Variants in GGT5 observed in about 807,000 individuals in gnomAD.
The protein encoded by GGT5 is glutathione hydrolase 5 proenzyme.
Under a neutral mutation model 58.1 loss-of-function variants are expected in GGT5, and 50 were observed. That is an observed-to-expected ratio of 0.86 (90% CI 0.69 to 1.09). GGT5 has a LOEUF of 1.09. Among genes scored for constraint, GGT5 ranks in the 50% least tolerant of loss-of-function variants. GGT5 has a pLI of 0.00. For missense variants in GGT5, 800 were observed against 789.4 expected, an observed-to-expected ratio of 1.01 and a Z score of -0.16; for synonymous variants, 370 against 346.1, an observed-to-expected ratio of 1.07 and a Z score of -0.77.
chr22:24,224,746 C>G (rs1223741692), intron 11 of GGT5, among the ~76,000 whole-genome samples: 1 of 152,212 alleles, frequency 6.6e-6, no homozygotes, highest in Non-Finnish European at 1.5e-5. Flanking sequence ...GACCAGAGAC[C>G]AAGGTGCTGA....
At position 24,231,436 on chromosome 22, in the gene GGT5, T is replaced by A. The variant is rs1052278841; in HGVS notation, c.849A>T (p.Pro283=). Residue 283 remains proline, a synonymous_variant, in exon 6 of 12, where the codon CCA becomes CCT. Coordinates refer to ENST00000327365, the MANE Select transcript of GGT5 (RefSeq NM_004121.5). ...GAATGGCACCCCCTGCAGGCGGCGG[T>A]GGTGAGTACAGGGTATAGTCCCCCA... ...VPLGDYTLYS[P]PPPAGGAILS... is the part of the protein sequence containing the mutation. 17 of 1,560,342 alleles carry A rather than the reference T, an allele frequency of 1.1e-5. No homozygotes were observed. Among genetic ancestry groups the A allele is most frequent in the Middle Eastern group, 1.7e-4 (1 of 5,924 alleles).
intron 11 of GGT5, among the ~76,000 whole-genome samples, chr22:24,221,703 GT>G (rs1309310910): frequency 6.6e-6 from 1 of 152,002 alleles, no homozygotes; most frequent in Non-Finnish European, 1.5e-5. Context: ...GTAGAGACAG[GT>G]TTTCGCCATG....
At position 24,244,628 on chromosome 22, in the gene GGT5, T is replaced by G; in HGVS notation, c.98A>C (p.Gln33Pro). Residue 33 changes from glutamine to proline, a missense_variant, in exon 1 of 12, where the codon CAG (glutamine) becomes CCG (proline). By Grantham distance (76) the Gln-to-Pro change is moderately conservative (BLOSUM62 -1). Transcript: ENST00000327365. ...IVLAVVLSRH[Q>P]APCGPQAFAH... ...AAAGGCCTGGGGGCCACATGGGGCC[T>G]GGTGTCGAGAGAGGACCACAGCCAG... The G allele has an allele frequency of 6.2e-7, 1 of 1,612,842 alleles. No individual in the cohort carries two copies. The highest frequency in any genetic ancestry group is 8.5e-7 in the Non-Finnish European group (1 of 1,179,906).
rs1489571334 is a variant in GGT5 at position 24,226,691 on chromosome 22, G to C, written c.978C>G (p.Leu326=). ...VNVYHHLVET[L]KFAKGQRWRL... is the part of the protein sequence containing the mutation. ...TCCACCTCTGCCCCTTGGCAAACTTGAGCGTCTCTACAAGGTGGTGGTACA... is the reference window on the plus strand; with the variant it reads ...TCCACCTCTGCCCCTTGGCAAACTTCAGCGTCTCTACAAGGTGGTGGTACA... Residue 326 remains leucine (L), a synonymous_variant, in exon 7 of 12, where the codon CTC becomes CTG. Coordinates refer to ENST00000327365, the MANE Select transcript of GGT5 (RefSeq NM_004121.5). 1.2e-6 allele frequency: 2 copies of C among 1,613,944 alleles called. No homozygotes were observed. The highest frequency in any genetic ancestry group is 2.2e-5 in the South Asian group (2 of 91,070).
intron 11 of GGT5, among the ~76,000 whole-genome samples, chr22:24,224,151 G>T (rs1189427886): frequency 6.6e-6 from 1 of 152,108 alleles, no homozygotes; most frequent in East Asian, 1.9e-4. Context: ...TAAGGATAGA[G>T]GGGGAGTCAG....
At chr22:24,231,945 C>T (rs1427703162) in intron 5 of GGT5, 106 bp downstream of exon 5, 3 of 952,026 alleles carry the variant, frequency 3.2e-6, no homozygotes, top group Non-Finnish European at 4.9e-6. Flanking sequence ...CGGGCACTGC[C>T]TGCACTCCCT....
intron 11 of GGT5, among the ~76,000 whole-genome samples, chr22:24,221,867 C>T (rs546412536): frequency 2.0e-5 from 3 of 151,964 alleles, no homozygotes; most frequent in Admixed American, 6.6e-5. Flanking sequence ...TCCCCCAACC[C>T]GCCAAGTTGT....
chr22:24,220,511 G>T (rs1411942946), intron 11 of GGT5: 1 of 460,376 alleles, frequency 2.2e-6, no homozygotes, highest in East Asian at 6.8e-5. Flanking sequence ...CAGCAATTTG[G>T]GAGGCTGAGG....
intron 1 of GGT5, among the ~76,000 whole-genome samples, chr22:24,238,903 ATATTATATATAT>A (rs2048234341): frequency 1.3e-4 from 2 of 14,978 alleles, no homozygotes; most frequent in South Asian, 3.7e-3. Flanking sequence ...ATATATATAT[ATATTATATATAT>A]TATATATATA....
chr22:24,225,255 G>A lies in GGT5; in HGVS notation c.1493C>T (p.Ala498Val). 1 of 1,613,372 alleles carries A rather than the reference G, an allele frequency of 6.2e-7. No individual in the cohort carries two copies. Among genetic ancestry groups the A allele is most frequent in the Non-Finnish European group, 8.5e-7 (1 of 1,179,888 alleles). Residue 498 changes from alanine to valine, a missense_variant, in exon 10 of 12, where the codon GCT (alanine) becomes GTT (valine). Coordinates refer to ENST00000327365, the MANE Select transcript of GGT5 (RefSeq NM_004121.5). ...GGAGGELIIS[A>V]VAQAIMSKLW... ...GAGCCCCAGACTCACCTGGGCCACA[G>A]CAGAGATGATGAGCTCCCCGCCAGC...
At chr22:24,220,446 G>A (rs1379718395) in intron 11 of GGT5, 3 of 498,496 alleles carry the variant, frequency 6.0e-6, no homozygotes, top group Non-Finnish European at 1.2e-5. Flanking sequence ...TGGAGGATGT[G>A]GCTTCTCAAG....
At position 24,233,004 on chromosome 22, in the gene GGT5, C is replaced by A. The variant is rs766052788; in HGVS notation, c.415G>T (p.Gly139Trp). 1.9e-6 allele frequency: 3 copies of A among 1,541,790 alleles called. No homozygotes were observed. Among genetic ancestry groups the A allele is most frequent in the East Asian group, 2.4e-5 (1 of 41,514 alleles). Residue 139 changes from glycine to tryptophan, a missense_variant, in exon 4 of 12, where the codon GGG (glycine) becomes TGG (tryptophan). Physicochemically the swap from Gly to Trp is radical, Grantham distance 184. Coordinates refer to ENST00000327365, the MANE Select transcript of GGT5 (RefSeq NM_004121.5). ...LPLGTGAQWI[G>W]VPGELRGYAE... is the part of the protein sequence containing the mutation. ...TAGCCACGGAGCTCCCCGGGCACCC[C>A]GATCCACTGGGCCCCTGCATGGCAC...
At chr22:24,240,592 G>A (rs1169104981) in intron 1 of GGT5, among the ~76,000 whole-genome samples, 1 of 151,644 alleles carries the variant, frequency 6.6e-6, no homozygotes, top group South Asian at 2.1e-4. Flanking sequence ...AGCATCATGC[G>A]ATTCTCCCCG....
Position 24,233,997 on chromosome 22 carries a change from G to A in GGT5, c.181C>T (p.Leu61Phe). 6.2e-7 allele frequency: 1 copy of A among 1,609,116 alleles called. No homozygotes were observed. The highest frequency in any genetic ancestry group is 8.5e-7 in the Non-Finnish European group (1 of 1,178,132). The change falls in exon 2 of 12, where the codon CTC (leucine) becomes TTC (phenylalanine). Residue 61 changes from leucine (L) to phenylalanine (F), a missense_variant. By Grantham distance (22) the Leu-to-Phe change is conservative. Transcript: ENST00000327365. The stretch of plus-strand genomic sequence containing the variant: ...TCCACGGGTGAGCCCTGCTGCTGGA[G>A]GATGGCTCTAGGGGACATGGCACAG... ...KVCSDIGRAI[L>F]QQQGSPVDAT... is the part of the protein sequence containing the mutation.
intron 6 of GGT5, among the ~76,000 whole-genome samples, chr22:24,231,046 C>T (rs1228950391): frequency 6.6e-6 from 1 of 152,192 alleles, no homozygotes; most frequent in South Asian, 2.1e-4. Context: ...TGGCTTCGCT[C>T]CCCCAGGTGC....
intron 6 of GGT5, 26 bp from the exon 7 acceptor site, chr22:24,226,793 G>T (rs368816896): frequency 4.3e-6 from 7 of 1,612,300 alleles, no homozygotes; most frequent in Non-Finnish European, 3.4e-6. Flanking sequence ...GGCACAGGTT[G>T]GTTGGGGTCA....
chr22:24,224,534 A>T (rs903822735), intron 11 of GGT5, among the ~76,000 whole-genome samples: 1 of 151,330 alleles, frequency 6.6e-6, no homozygotes, highest in South Asian at 2.1e-4. Context: ...AAAAAAAATT[A>T]TATATATAGT....
chr22:24,240,975 T>A (rs1601433716), intron 1 of GGT5: 1 of 152,088 alleles, frequency 6.6e-6, no homozygotes, highest in Admixed American at 6.6e-5. Context: ...CTGACCCACA[T>A]GGAGAAACCC....
At chr22:24,229,024 G>A (rs927782940) in intron 6 of GGT5, among the ~76,000 whole-genome samples, 4 of 151,130 alleles carry the variant, frequency 2.6e-5, no homozygotes, top group Admixed American at 6.6e-5. Flanking sequence ...GGGAGGCAGA[G>A]GTTGCAGTGA....
Sources: allele counts gnomAD v4.1 joint callset (sites outside exome capture counted in the v4.1 genomes callset), GRCh38; gene constraint gnomAD v4.1.1; transcripts MANE v1.5; gene names NCBI Gene and HGNC (gene_info 2026-07-23, HGNC 2026-07-21).